The following NEGR1 variants were observed in gnomAD, a reference collection of about 807,000 sequenced individuals.
NEGR1 encodes the protein neuronal growth regulator 1.
A neutral mutation model predicts 40.9 loss-of-function variants in NEGR1; 10 were observed. That is an observed-to-expected ratio of 0.24 (90% CI 0.15 to 0.42). The LOEUF is 0.42. NEGR1 is among the 10% of genes least tolerant of loss of function. The probability of loss-of-function intolerance (pLI) is 1.00; values close to 1 mark genes in which losing one functional copy is unlikely to be tolerated. For missense variants in NEGR1, 352 were observed against 438.9 expected (o/e 0.80, Z 1.77); for synonymous variants, 185 against 166.8 (o/e 1.11, Z -0.84).
chr1:72,178,758 A>G (rs1241992373), intron 1 of NEGR1, among the ~76,000 whole-genome samples: 2 of 150,000 alleles, frequency 1.3e-5, no homozygotes, highest in African/African-American at 4.9e-5. Context: ...CTGGTGTGAG[A>G]TGGTATCTCA....
chr1:71,741,532 C>A (rs897706043), intron 3 of NEGR1, among the ~76,000 whole-genome samples: 7 of 152,140 alleles, frequency 4.6e-5, no homozygotes, highest in African/African-American at 7.2e-5. Context: ...ATTTGCCAAG[C>A]ACCTACCATA....
At chr1:71,887,603 T>G (rs1207991855) in intron 2 of NEGR1, among the ~76,000 whole-genome samples, 1 of 152,312 alleles carries the variant, frequency 6.6e-6, no homozygotes, top group South Asian at 2.1e-4. Context: ...TTAGAGTAAT[T>G]AGCATATCCA....
rs1228369409 is a variant in NEGR1 at position 71,407,277 on chromosome 1, AAG to A, written c.*167_*168del. 27 of 549,488 alleles carry A rather than the reference AAG, an allele frequency of 4.9e-5. No individual in the cohort carries two copies. Among genetic ancestry groups the A allele is most frequent in the African/African-American group, 2.1e-4 (11 of 52,126 alleles). The allele number at this position is 549,488 out of a possible 1,614,324, so 34.0% of individuals were successfully genotyped here. A position where few individuals can be genotyped will look rare whatever the true frequency, so the allele number is the denominator to read the frequency against. On this transcript the variant is annotated 3_prime_UTR_variant, in exon 7 of 7. Coordinates refer to ENST00000357731, the MANE Select transcript of NEGR1 (RefSeq NM_173808.3). The stretch of plus-strand genomic sequence containing the variant: ...CACAAGGTAATGTAGCTAATCAAAA[AAG>A]AGTAGAATTAAAGTATTTACATAAT...
intron 6 of NEGR1, among the ~76,000 whole-genome samples, chr1:71,558,658 C>T (rs1648333234): frequency 6.6e-6 from 1 of 150,722 alleles, no homozygotes; most frequent in Non-Finnish European, 1.5e-5. Context: ...CAGTTTTGGT[C>T]ACCTGGAGGT....
At chr1:72,130,601 C>A (rs191050979) in intron 1 of NEGR1, among the ~76,000 whole-genome samples, 1 of 152,210 alleles carries the variant, frequency 6.6e-6, no homozygotes, top group Non-Finnish European at 1.5e-5. Flanking sequence ...GAAACTCCCT[C>A]GCTACTGCTT....
Position 71,405,529 on chromosome 1 carries a change from T to G in NEGR1, c.*1917A>C, listed in dbSNP as rs1462454231. ...TAAAAACTCTTTTTTAATGTATCAA[T>G]CAAAATAATGTCATACATTTATTAC... On this transcript the variant is annotated 3_prime_UTR_variant, in exon 7 of 7. Transcript: ENST00000357731. 1 of 152,178 alleles carries G rather than the reference T, an allele frequency of 6.6e-6. No individual in the cohort carries two copies. The highest frequency in any genetic ancestry group is 6.6e-5 in the Admixed American group (1 of 15,214). 9.4% of individuals were successfully genotyped at this position (152,178 alleles called of 1,614,324 possible).
intron 1 of NEGR1, among the ~76,000 whole-genome samples, chr1:72,272,874 G>A (rs1284934956): frequency 6.6e-6 from 1 of 152,026 alleles, no homozygotes; most frequent in Non-Finnish European, 1.5e-5. Context: ...TATTTGGAAA[G>A]TACAATATAT....
At chr1:71,732,083 C>G (rs577702673) in intron 3 of NEGR1, among the ~76,000 whole-genome samples, 2 of 152,006 alleles carry the variant, frequency 1.3e-5, no homozygotes, top group African/African-American at 4.8e-5. Flanking sequence ...TTTGGGAAAC[C>G]GAGGCAGTGG....
intron 1 of NEGR1, among the ~76,000 whole-genome samples, chr1:72,011,641 T>C (rs546821445): frequency 6.6e-6 from 1 of 152,072 alleles, no homozygotes; most frequent in African/African-American, 2.4e-5. Flanking sequence ...TCAAACAGAT[T>C]ATTAGAATGC....
intron 1 of NEGR1, among the ~76,000 whole-genome samples, chr1:72,041,191 AT>A (rs1315723553): frequency 2.6e-5 from 4 of 151,934 alleles, no homozygotes; most frequent in Admixed American, 2.6e-4. Flanking sequence ...TATACCTGTT[AT>A]TTGTAATAAA....
At chr1:71,666,196 C>T (rs1932178) in intron 4 of NEGR1, among the ~76,000 whole-genome samples, 55,649 of 152,022 alleles carry the variant, frequency 0.37, 12,031 homozygotes, top group Middle Eastern at 0.5. Flanking sequence ...ATATGACTCA[C>T]TTGCAAGTGA....
intron 2 of NEGR1, among the ~76,000 whole-genome samples, chr1:71,876,253 G>C (rs1261518297): frequency 6.6e-6 from 1 of 152,088 alleles, no homozygotes; most frequent in Non-Finnish European, 1.5e-5. Flanking sequence ...AACAATATAA[G>C]AAACATAGGC....
chr1:71,675,520 T>C (rs1478965678), intron 4 of NEGR1, among the ~76,000 whole-genome samples: 3 of 151,318 alleles, frequency 2.0e-5, no homozygotes, highest in African/African-American at 7.3e-5. Context: ...TCTCTTTATA[T>C]AGAGAGTGAG....
intron 1 of NEGR1, among the ~76,000 whole-genome samples, chr1:72,274,224 A>G (rs552613215): frequency 6.6e-6 from 1 of 152,044 alleles, no homozygotes; most frequent in African/African-American, 2.4e-5. Flanking sequence ...AAAACACCAC[A>G]TACAGGCTTT....
chr1:71,916,691 G>A (rs1661595575), intron 2 of NEGR1, among the ~76,000 whole-genome samples: 1 of 152,180 alleles, frequency 6.6e-6, no homozygotes, highest in African/African-American at 2.4e-5. Context: ...GGGAGGTGGA[G>A]GTTGAAGTGA....
intron 3 of NEGR1, among the ~76,000 whole-genome samples, chr1:71,705,033 A>G (rs889049895): frequency 1.3e-5 from 2 of 151,690 alleles, no homozygotes. Flanking sequence ...ACATGCAGAT[A>G]ATTCATTGAA....
intron 1 of NEGR1, among the ~76,000 whole-genome samples, chr1:72,039,789 G>T (rs1306522966): frequency 2.6e-5 from 4 of 151,996 alleles, no homozygotes; most frequent in Non-Finnish European, 1.5e-5. Flanking sequence ...TGGCGAGAAG[G>T]GCTGCAGAAA....
intron 6 of NEGR1, among the ~76,000 whole-genome samples, chr1:71,583,385 A>G (rs1649197314): frequency 6.6e-6 from 1 of 152,170 alleles, no homozygotes; most frequent in Non-Finnish European, 1.5e-5. Flanking sequence ...AGAGAAATAC[A>G]GGTGGTTCTG....
At chr1:71,472,171 T>G (rs901851973) in intron 6 of NEGR1, among the ~76,000 whole-genome samples, 2 of 152,124 alleles carry the variant, frequency 1.3e-5, no homozygotes, top group Non-Finnish European at 2.9e-5. Flanking sequence ...GATCTATCAT[T>G]GAGTCTGTAC....
Sources: gnomAD v4.1 joint callset for allele counts (sites outside exome capture counted in the v4.1 genomes callset) on GRCh38, gnomAD v4.1.1 for gene constraint, MANE v1.5 for transcripts, NCBI Gene and HGNC (gene_info 2026-07-23, HGNC 2026-07-21) for gene names.